SLC23A1: variants seen among roughly 807,000 people sequenced by gnomAD.
SLC23A1 encodes the protein Na(+)/L-ascorbic acid transporter 1.
SLC23A1 carries 31 observed loss-of-function variants against 62.5 expected under a neutral mutation model. The observed-to-expected ratio is 0.50, with a 90% CI of 0.37 to 0.67. The LOEUF is 0.67. Ranked by LOEUF, SLC23A1 falls within the 30% of genes least tolerant of loss-of-function variation. The probability of loss-of-function intolerance (pLI) is 0.00; values close to 1 mark genes in which losing one functional copy is unlikely to be tolerated. For missense variants in SLC23A1, 640 were observed against 782.7 expected (o/e 0.82, Z 2.18); for synonymous variants, 271 against 313.2 (o/e 0.87, Z 1.42).
At chr5:139,384,736 T>C (rs1192253450), upstream of SLC23A1, 3 of 985,242 alleles carry the variant, frequency 3.0e-6, no homozygotes, top group African/African-American at 5.2e-5. Context: ...CACAGTAGCA[T>C]GAAGGGGCCC....
chr5:139,380,818 C>G lies in SLC23A1; in HGVS notation c.377G>C (p.Arg126Thr), dbSNP rs1758216051. ...CCCACCTTCCGGGGGGCATTTCCAT[C>G]TCTCCAGAGCCAGTATGGCTTTGGC... ...VPAKAILALE[R>T]WKCPPEEEIY... is the part of the protein sequence containing the mutation. Residue 126 changes from arginine (R) to threonine (T), a missense_variant, in exon 4 of 15, where the codon AGA (arginine) becomes ACA (threonine). Transcript: ENST00000348729. 1 of 1,573,384 alleles carries G rather than the reference C, an allele frequency of 6.4e-7. No homozygotes were observed. The highest frequency in any genetic ancestry group is 8.6e-7 in the Non-Finnish European group (1 of 1,157,668).
At chr5:139,383,789 A>C (rs1195989620), upstream of SLC23A1, among the ~76,000 whole-genome samples, 1 of 152,238 alleles carries the variant, frequency 6.6e-6, no homozygotes, top group Non-Finnish European at 1.5e-5. Flanking sequence ...AGCGAAGGAA[A>C]CAGATTCAGT....
Position 139,372,161 on chromosome 5 carries a change from T to C in SLC23A1, c.1642A>G (p.Ile548Val), listed in dbSNP as rs774813941. 1 of 1,613,666 alleles carries C rather than the reference T, an allele frequency of 6.2e-7. No individual in the cohort carries two copies. ...SSSLKSYDFP[I>V]GMGIVKRITF... Reference sequence around the variant, plus strand: ...ATTCTTTTTACTATGCCCATCCCAATGGGGAAATCGTAGCTCTTGAGGCTG... The same window carrying C: ...ATTCTTTTTACTATGCCCATCCCAACGGGGAAATCGTAGCTCTTGAGGCTG... Residue 548 changes from isoleucine (I) to valine (V), a missense_variant, in exon 14 of 15, where the codon ATT (isoleucine) becomes GTT (valine). Ile to Val is a conservative substitution (Grantham distance 29, BLOSUM62 3). Coordinates refer to ENST00000348729, the MANE Select transcript of SLC23A1 (RefSeq NM_005847.5).
At chr5:139,371,896 A>C (rs576691956) in intron 14 of SLC23A1, 91 bp downstream of exon 14, 1 of 954,670 alleles carries the variant, frequency 1.0e-6, no homozygotes, top group Admixed American at 2.2e-5. Context: ...TTTACAAGAA[A>C]GAGAACTGAG....
intron 14 of SLC23A1, among the ~76,000 whole-genome samples, chr5:139,370,685 G>C (rs1250854282): frequency 6.6e-6 from 1 of 151,670 alleles, no homozygotes; most frequent in Non-Finnish European, 1.5e-5. Context: ...GTAGAGATGC[G>C]GTTTTGCCAT....
chr5:139,380,034 G>A lies in SLC23A1; in HGVS notation c.690C>T (p.Asn230=). Residue 230 remains asparagine, a synonymous_variant, in exon 7 of 15, where the codon AAC becomes AAT. Coordinates refer to ENST00000348729, the MANE Select transcript of SLC23A1 (RefSeq NM_005847.5). The part of the protein sequence containing the change: ...LIILFSQYLR[N]LTFLLPVYRW... ...GGTAGACAGGCAGCAGGAAGGTGAG[G>A]TTGCGCAGGTACTGGGAGAAGAGGA... The A allele has an allele frequency of 6.2e-7, 1 of 1,613,994 alleles. No homozygotes were observed. The highest frequency in any genetic ancestry group is 8.5e-7 in the Non-Finnish European group (1 of 1,179,968).
At chr5:139,384,596 C>T, upstream of SLC23A1, 2 of 1,267,008 alleles carry the variant, frequency 1.6e-6, no homozygotes, top group Non-Finnish European at 2.0e-6. Flanking sequence ...CCAACTTCTC[C>T]TCCCAGAACT....
intron 13 of SLC23A1, among the ~76,000 whole-genome samples, chr5:139,376,663 A>G (rs1757963367): frequency 6.6e-6 from 1 of 152,206 alleles, no homozygotes; most frequent in South Asian, 2.1e-4. Flanking sequence ...ATCTTTGCAA[A>G]AAGCTCTGGT....
intron 14 of SLC23A1, among the ~76,000 whole-genome samples, chr5:139,370,129 A>T (rs1271659769): frequency 6.6e-6 from 1 of 151,854 alleles, no homozygotes; most frequent in Non-Finnish European, 1.5e-5. Flanking sequence ...GGTATGGGGG[A>T]GGTTCTTTGG....
At chr5:139,375,407 T>C (rs1371011268) in intron 13 of SLC23A1, among the ~76,000 whole-genome samples, 1 of 152,222 alleles carries the variant, frequency 6.6e-6, no homozygotes, top group Non-Finnish European at 1.5e-5. Flanking sequence ...AGCATGCACC[T>C]GTACTCTCAG....
chr5:139,384,499 C>A, upstream of SLC23A1: 1 of 1,289,590 alleles, frequency 7.8e-7, no homozygotes, highest in Non-Finnish European at 1.0e-6. Flanking sequence ...TCCGCCTGTC[C>A]TCTCCTCTCC....
chr5:139,378,287 T>A lies in SLC23A1; in HGVS notation c.1244A>T (p.Lys415Met). 1.3e-6 allele frequency: 2 copies of A among 1,599,878 alleles called. No individual in the cohort carries two copies. ...GAGCGAGGCGAAGAGGGCCGTGAAC[T>A]TGCCGATGGTGCCCAGGACCAGCAT... ...AIMLVLGTIGKFTALFASLPD... is the reference protein window; with the variant it reads ...AIMLVLGTIGMFTALFASLPD... The change falls in exon 11 of 15, where the codon AAG becomes ATG. Residue 415 changes from lysine (K) to methionine (M), a missense_variant. Transcript: ENST00000348729. This position sits in a 1 kb window ranked among gnomAD's most constrained non-coding sequence, Gnocchi z 4.5.
intron 13 of SLC23A1, among the ~76,000 whole-genome samples, chr5:139,374,028 T>G (rs1036504344): frequency 6.6e-6 from 1 of 152,182 alleles, no homozygotes; most frequent in Non-Finnish European, 1.5e-5. Context: ...CTACTCTCCC[T>G]CATCAGTAAA....
chr5:139,379,482 T>C lies in SLC23A1; in HGVS notation c.926-128A>G. 1 of 1,068,106 alleles carries C rather than the reference T, an allele frequency of 9.4e-7. No individual in the cohort carries two copies. The highest frequency in any genetic ancestry group is 2.5e-5 in the East Asian group (1 of 39,328). The allele number at this position is 1,068,106 out of a possible 1,614,324, so 66.2% of individuals were successfully genotyped here. On this transcript the variant is annotated intron_variant, in intron 8 of 14. Transcript: ENST00000348729. The surrounding 1 kb of genome is among the most constrained non-coding windows in gnomAD (Gnocchi z 4.7). ...TCAGGCTGGGATGGGAGCTATACAG[T>C]TGTGGGAGCTTATTTGAGTCACTCA...
At chr5:139,384,504 C>T (rs1162175410), upstream of SLC23A1, 18 of 1,289,756 alleles carry the variant, frequency 1.4e-5, no homozygotes, top group Non-Finnish European at 4.0e-6. Flanking sequence ...CTGTCCTCTC[C>T]TCTCCCTCTT....
upstream of SLC23A1, chr5:139,384,503 C>T (rs1458095773): frequency 1.6e-6 from 2 of 1,289,778 alleles, no homozygotes; most frequent in Non-Finnish European, 2.0e-6. Context: ...CCTGTCCTCT[C>T]CTCTCCCTCT....
rs775664695 is a variant in SLC23A1 at position 139,378,566 on chromosome 5, C to T, written c.1179+13G>A. 2 of 1,569,460 alleles carry T rather than the reference C, an allele frequency of 1.3e-6. No individual in the cohort carries two copies. Among genetic ancestry groups the T allele is most frequent in the East Asian group, 4.7e-5 (2 of 42,594 alleles). ...GAATTAGGGCAGGATTTGGCTCTGG[C>T]TCGTCGCGACACCTTGGTAATTCCC... On this transcript the variant is annotated intron_variant, in intron 10 of 14. Transcript: ENST00000348729. The surrounding 1 kb of genome is among the most constrained non-coding windows in gnomAD (Gnocchi z 4.5).
upstream of SLC23A1, chr5:139,384,276 C>T (rs1758421897): frequency 7.4e-6 from 8 of 1,081,082 alleles, no homozygotes; most frequent in Non-Finnish European, 8.3e-6. Flanking sequence ...TCAGGCTCCT[C>T]AGCTGGTGAG....
chr5:139,371,946 G>T, intron 14 of SLC23A1, 41 bp downstream of exon 14: 3 of 1,484,656 alleles, frequency 2.0e-6, no homozygotes, highest in Non-Finnish European at 2.8e-6. Context: ...AGAATGTTTT[G>T]ATTATTCAAC....
Sources: gnomAD v4.1 joint callset for allele counts (sites outside exome capture counted in the v4.1 genomes callset) on GRCh38, gnomAD v4.1.1 for gene constraint, Gnocchi (gnomAD v3.1) non-coding constraint, MANE v1.5 for transcripts, NCBI Gene and HGNC (gene_info 2026-07-23, HGNC 2026-07-21) for gene names.